MAST2: variants seen among roughly 807,000 people sequenced by gnomAD.
The protein encoded by MAST2 is microtubule associated serine/threonine kinase 2, also known as microtubule-associated serine/threonine-protein kinase 2.
In MAST2, 70 loss-of-function variants were observed where a neutral mutation model predicts 147.4. The ratio of observed to expected loss-of-function variants is 0.47; its 90% CI spans 0.39 to 0.58. The LOEUF is 0.58. Among genes scored for constraint, MAST2 ranks in the 20% least tolerant of loss-of-function variants. The pLI is 0.00. For missense variants in MAST2, 2,080 were observed against 2,302.3 expected (o/e 0.90, Z 1.98); for synonymous variants, 869 against 896.8 (o/e 0.97, Z 0.55).
At chr1:45,846,944 A>G in intron 3 of MAST2, 1 of 242,728 alleles carries the variant, frequency 4.1e-6, no homozygotes, top group Non-Finnish European at 8.5e-6. Flanking sequence ...ATCAATGAAT[A>G]TAATTTGAAG....
chr1:45,920,652 A>G (rs140970599), intron 4 of MAST2, among the ~76,000 whole-genome samples: 1 of 152,348 alleles, frequency 6.6e-6, no homozygotes, highest in East Asian at 1.9e-4. Flanking sequence ...TTCACGTTGC[A>G]TAAGCCCAAT....
rs754680274 is a variant in MAST2 at position 46,029,827 on chromosome 1, A to G, written c.2321-4A>G. The G allele has an allele frequency of 6.2e-7, 1 of 1,613,990 alleles. No individual in the cohort carries two copies. The highest frequency in any genetic ancestry group is 8.5e-7 in the Non-Finnish European group (1 of 1,179,956). ...CCCCTTGCCCATGTCCTCCCTGTCC[A>G]CAGGCAGTGCCTATGAGGTGAAGCA... On this transcript the variant is annotated splice_polypyrimidine_tract_variant and splice_region_variant and intron_variant, in intron 19 of 28. Coordinates refer to ENST00000361297, the MANE Select transcript of MAST2 (RefSeq NM_015112.3).
intron 1 of MAST2, among the ~76,000 whole-genome samples, chr1:45,804,962 G>T (rs1311881848): frequency 5.9e-5 from 9 of 152,042 alleles, no homozygotes; most frequent in African/African-American, 2.2e-4. Flanking sequence ...CTCTATTCGG[G>T]ATCCTACTGA....
At chr1:45,986,394 A>G (rs1164857106) in intron 5 of MAST2, among the ~76,000 whole-genome samples, 2 of 152,098 alleles carry the variant, frequency 1.3e-5, no homozygotes, top group Non-Finnish European at 2.9e-5. Flanking sequence ...GTCATGATGT[A>G]TTTGCTCCCA....
At chr1:45,962,542 T>C (rs1236520818) in intron 5 of MAST2, among the ~76,000 whole-genome samples, 2 of 152,254 alleles carry the variant, frequency 1.3e-5, no homozygotes, top group Non-Finnish European at 2.9e-5. Flanking sequence ...CATTTTTTCA[T>C]GTGTCTGTTG....
At chr1:46,007,137 A>G (rs1645519872) in intron 8 of MAST2, among the ~76,000 whole-genome samples, 1 of 152,200 alleles carries the variant, frequency 6.6e-6, no homozygotes, top group Non-Finnish European at 1.5e-5. Flanking sequence ...AAGGTGATGG[A>G]GATTAAAATG....
At chr1:45,856,189 G>T (rs1422437103) in intron 3 of MAST2, among the ~76,000 whole-genome samples, 4 of 152,170 alleles carry the variant, frequency 2.6e-5, no homozygotes, top group Admixed American at 6.5e-5. Flanking sequence ...GTCAGGCATG[G>T]GTGGCTCACA....
intron 16 of MAST2, among the ~76,000 whole-genome samples, chr1:46,026,041 T>G (rs1275967688): frequency 6.6e-6 from 1 of 151,716 alleles, no homozygotes; most frequent in African/African-American, 2.4e-5. Context: ...CATGGAAGAG[T>G]CATTGAGGAG....
intron 4 of MAST2, among the ~76,000 whole-genome samples, chr1:45,909,073 A>AG (rs1651245983): frequency 6.6e-6 from 1 of 152,208 alleles, no homozygotes; most frequent in Non-Finnish European, 1.5e-5. Context: ...TTCTCACTGA[A>AG]GACAAAGCGT....
intron 2 of MAST2, among the ~76,000 whole-genome samples, chr1:45,826,664 A>C (rs537724874): frequency 3.3e-5 from 5 of 151,846 alleles, no homozygotes; most frequent in Non-Finnish European, 5.9e-5. Flanking sequence ...ACTCCACTTA[A>C]TTGCAATCCC....
intron 4 of MAST2, among the ~76,000 whole-genome samples, chr1:45,935,343 TTGTC>T (rs1179562679): frequency 6.6e-6 from 1 of 152,220 alleles, no homozygotes; most frequent in Non-Finnish European, 1.5e-5. Context: ...ATTCTCTAGG[TTGTC>T]TGTTTACTCT....
chr1:45,981,042 T>G (rs1644386909), intron 5 of MAST2, among the ~76,000 whole-genome samples: 1 of 152,078 alleles, frequency 6.6e-6, no homozygotes, highest in Admixed American at 6.6e-5. Flanking sequence ...CTCCCCCACA[T>G]TTCTGAGGCT....
At chr1:45,981,181 C>G (rs1644394301) in intron 5 of MAST2, among the ~76,000 whole-genome samples, 1 of 152,144 alleles carries the variant, frequency 6.6e-6, no homozygotes, top group Admixed American at 6.5e-5. Flanking sequence ...AAATGATTCT[C>G]CCACCTCAGC....
intron 8 of MAST2, 106 bp downstream of exon 8, chr1:46,006,501 T>G: frequency 8.6e-7 from 1 of 1,158,482 alleles, no homozygotes; most frequent in South Asian, 2.2e-5. Flanking sequence ...TAGTAAATAT[T>G]TTTAGGCTTT....
intron 4 of MAST2, among the ~76,000 whole-genome samples, chr1:45,938,148 T>C (rs1656576785): frequency 6.6e-6 from 1 of 152,246 alleles, no homozygotes; most frequent in Non-Finnish European, 1.5e-5. Flanking sequence ...TGTTTTATTA[T>C]TGGATAGACC....
At chr1:45,852,731 G>C (rs1402999916) in intron 3 of MAST2, among the ~76,000 whole-genome samples, 1 of 151,772 alleles carries the variant, frequency 6.6e-6, no homozygotes, top group Non-Finnish European at 1.5e-5. Context: ...ATTTTTTTCA[G>C]TAAGTATAAT....
rs12043757 is a variant in MAST2 at position 45,815,370 on chromosome 1, A to G, written c.178-9063A>G. ...TTTTTAGTAGAGATGGGGTTTCACC[A>G]TGTTGGGCAGGCTAGTCTTGAACTC... On this transcript the variant is annotated intron_variant, in intron 1 of 28. Coordinates refer to ENST00000361297, the MANE Select transcript of MAST2 (RefSeq NM_015112.3). 2.0e-3 allele frequency among the ~76,000 whole-genome samples: 302 copies of G among 152,006 alleles called. 10 individuals carry two copies. The East Asian group carries it at 0.046, about 23-fold the overall frequency.
chr1:45,940,687 T>G (rs958700110), intron 4 of MAST2, among the ~76,000 whole-genome samples: 5 of 151,408 alleles, frequency 3.3e-5, no homozygotes, highest in African/African-American at 1.2e-4. Flanking sequence ...TGGCGCGATC[T>G]CGGCTCACTG....
At chr1:45,905,903 G>A (rs1217229498) in intron 4 of MAST2, among the ~76,000 whole-genome samples, 1 of 152,028 alleles carries the variant, frequency 6.6e-6, no homozygotes, top group Non-Finnish European at 1.5e-5. Flanking sequence ...TTATACTGTT[G>A]TACTTTCCTA....
Sources: gnomAD v4.1 joint callset for allele counts (sites outside exome capture counted in the v4.1 genomes callset) on GRCh38, gnomAD v4.1.1 for gene constraint, MANE v1.5 for transcripts, NCBI Gene and HGNC (gene_info 2026-07-23, HGNC 2026-07-21) for gene names.